Variants in RALB observed in about 807,000 individuals in gnomAD.
RALB encodes ras-related protein Ral-B.
A neutral mutation model predicts 21.3 loss-of-function variants in RALB; 16 were observed. The ratio of observed to expected loss-of-function variants is 0.75; its 90% confidence interval spans 0.51 to 1.14. The LOEUF is 1.14. Ranked by LOEUF, RALB falls within the 50% of genes most tolerant of loss-of-function variation. The pLI is 0.00. For missense variants in RALB, 161 were observed against 256.2 expected, an observed-to-expected ratio of 0.63 and a Z score of 2.54; for synonymous variants, 93 against 96.1, an observed-to-expected ratio of 0.97 and a Z score of 0.19.
At chr2:120,267,824 C>T (rs1361458632) in intron 1 of RALB, among the ~76,000 whole-genome samples, 1 of 152,084 alleles carries the variant, frequency 6.6e-6, no homozygotes, top group South Asian at 2.1e-4. Flanking sequence ...TGGAGTCTCG[C>T]TGAGTTTGCC....
At chr2:120,276,518 A>G (rs994035551) in intron 1 of RALB, among the ~76,000 whole-genome samples, 7 of 151,828 alleles carry the variant, frequency 4.6e-5, no homozygotes, top group Non-Finnish European at 7.4e-5. Context: ...CAGGAGAATC[A>G]CTTGAATCCA....
chr2:120,259,811 G>A (rs904719895), intron 1 of RALB, among the ~76,000 whole-genome samples: 9 of 152,244 alleles, frequency 5.9e-5, no homozygotes, highest in African/African-American at 1.9e-4. Flanking sequence ...GGTGGCGCTC[G>A]TCGGGGAGGC....
At chr2:120,256,263 G>A (rs138392989) in intron 1 of RALB, among the ~76,000 whole-genome samples, 166 of 152,312 alleles carry the variant, frequency 1.1e-3, no homozygotes, top group African/African-American at 3.7e-3. Flanking sequence ...TATGCACAGG[G>A]CTTTTCACAA....
intron 3 of RALB, among the ~76,000 whole-genome samples, chr2:120,288,344 T>G (rs1230175308): frequency 1.4e-5 from 2 of 139,562 alleles, no homozygotes; most frequent in Non-Finnish European, 3.1e-5. Context: ...AAATTTTAGT[T>G]TTTTTTTTTG....
At chr2:120,255,541 C>T (rs1257926850) in intron 1 of RALB, among the ~76,000 whole-genome samples, 1 of 152,092 alleles carries the variant, frequency 6.6e-6, no homozygotes, top group Admixed American at 6.5e-5. Context: ...TGTATGTGTA[C>T]ATATATTCTT....
intron 1 of RALB, among the ~76,000 whole-genome samples, chr2:120,254,173 G>A (rs1055850232): frequency 6.6e-6 from 1 of 152,176 alleles, no homozygotes; most frequent in Non-Finnish European, 1.5e-5. Context: ...AGAGTTTACC[G>A]GTGTTGTGAT....
chr2:120,256,618 G>GT (rs1205403340), intron 1 of RALB, among the ~76,000 whole-genome samples: 1 of 152,098 alleles, frequency 6.6e-6, no homozygotes, highest in East Asian at 1.9e-4. Context: ...TGCCATGATT[G>GT]TAAGTTTCCT....
chr2:120,289,629 G>A lies in RALB; in HGVS notation c.373G>A (p.Val125Ile), dbSNP rs372920618. The A allele has an allele frequency of 1.0e-4, 164 of 1,614,044 alleles. No individual in the cohort carries two copies. The highest frequency in any genetic ancestry group is 1.3e-4 in the Non-Finnish European group (152 of 1,180,016). The change falls in exon 4 of 5, where the codon GTC becomes ATC. Residue 125 changes from valine to isoleucine, a missense_variant. By Grantham distance (29) the Val-to-Ile change is conservative (BLOSUM62 3). Transcript: ENST00000272519. ...KAEEDKIPLLVVGNKSDLEER... is the reference protein window; with the variant it reads ...KAEEDKIPLLIVGNKSDLEER... Reference sequence around the variant, plus strand: ...TGAAGAAGATAAAATTCCACTGCTCGTCGTGGGAAACAAGTCTGACCTAGA... The same window carrying A: ...TGAAGAAGATAAAATTCCACTGCTCATCGTGGGAAACAAGTCTGACCTAGA...
At chr2:120,276,559 T>C (rs1269123256) in intron 1 of RALB, among the ~76,000 whole-genome samples, 1 of 151,812 alleles carries the variant, frequency 6.6e-6, no homozygotes, top group African/African-American at 2.4e-5. Context: ...GCCGAGATCG[T>C]TCCATTGCAC....
intron 1 of RALB, among the ~76,000 whole-genome samples, chr2:120,272,985 C>G (rs528285834): frequency 6.6e-6 from 1 of 152,316 alleles, no homozygotes; most frequent in African/African-American, 2.4e-5. Flanking sequence ...CAACAGTGGA[C>G]TCTTTGTGGC....
intron 1 of RALB, among the ~76,000 whole-genome samples, chr2:120,260,014 C>T (rs578139837): frequency 0.012 from 1,889 of 152,338 alleles, 43 homozygotes; most frequent in African/African-American, 0.041. Context: ...CCTCATTGCC[C>T]GGGGCCAGCA....
intron 1 of RALB, among the ~76,000 whole-genome samples, chr2:120,246,262 C>G (rs1027723497): frequency 6.6e-6 from 1 of 152,208 alleles, no homozygotes; most frequent in Non-Finnish European, 1.5e-5. Flanking sequence ...GCCCATGGCA[C>G]TGCCCCTCCT....
At chr2:120,240,626 G>A (rs1447946939) in intron 1 of RALB, among the ~76,000 whole-genome samples, 1 of 152,086 alleles carries the variant, frequency 6.6e-6, no homozygotes, top group Non-Finnish European at 1.5e-5. Flanking sequence ...CCAGGTCTGT[G>A]TGGTGCCAAA....
At chr2:120,260,258 G>A (rs992620805) in intron 1 of RALB, among the ~76,000 whole-genome samples, 2 of 152,270 alleles carry the variant, frequency 1.3e-5, no homozygotes, top group African/African-American at 4.8e-5. Context: ...AGCCCAGGCA[G>A]GGGAGGTGCC....
At chr2:120,275,150 G>A (rs1482308794) in intron 1 of RALB, among the ~76,000 whole-genome samples, 2 of 152,196 alleles carry the variant, frequency 1.3e-5, no homozygotes, top group Non-Finnish European at 2.9e-5. Flanking sequence ...ATTTTCCTCT[G>A]TTGGCGCACA....
intron 1 of RALB, among the ~76,000 whole-genome samples, chr2:120,272,035 G>T (rs1689677453): frequency 6.6e-6 from 1 of 152,170 alleles, no homozygotes; most frequent in African/African-American, 2.4e-5. Context: ...CATAGACTGG[G>T]TGGCTTAAAC....
chr2:120,248,429 AC>A (rs1689005178), upstream of RALB, among the ~76,000 whole-genome samples: 1 of 151,888 alleles, frequency 6.6e-6, no homozygotes, highest in African/African-American at 2.4e-5. Flanking sequence ...TAAACTTCAA[AC>A]CTTGCCTCTG....
At chr2:120,257,451 G>C (rs1266852812) in intron 1 of RALB, among the ~76,000 whole-genome samples, 1 of 152,112 alleles carries the variant, frequency 6.6e-6, no homozygotes, top group Non-Finnish European at 1.5e-5. Context: ...TGGATCCTGA[G>C]CCTGAGCCTG....
rs142953758 is a variant in RALB at position 120,257,064 on chromosome 2, T to C, written c.-48+4084T>C. 1.7e-3 allele frequency among the ~76,000 whole-genome samples: 254 copies of C among 152,338 alleles called. 2 individuals are homozygous for C. Among genetic ancestry groups the C allele is most frequent in the African/African-American group, 5.7e-3 (235 of 41,566 alleles). ...GCCAAGTATGCAGTAGCTTTGGAAA[T>C]AGAAATTCAGATCTTGCTGGTCCCT... On this transcript the variant is annotated intron_variant, in intron 1 of 4. Coordinates refer to ENST00000272519, the MANE Select transcript of RALB (RefSeq NM_002881.3).
Sources: gnomAD v4.1 joint callset for allele counts (sites outside exome capture counted in the v4.1 genomes callset) on GRCh38, gnomAD v4.1.1 for gene constraint, MANE v1.5 for transcripts, NCBI Gene and HGNC (gene_info 2026-07-23, HGNC 2026-07-21) for gene names.